The following HMCN1 variants were observed in gnomAD, a reference collection of about 807,000 sequenced individuals.
HMCN1 encodes hemicentin 1, also known as hemicentin-1.
In HMCN1, 321 loss-of-function variants were observed where a neutral mutation model predicts 625.9. That is an observed-to-expected ratio of 0.51 (90% CI 0.47 to 0.56). HMCN1 has a LOEUF of 0.56. Ranked by LOEUF, HMCN1 falls within the 20% of genes least tolerant of loss-of-function variation. The probability of loss-of-function intolerance (pLI) is 0.00; values close to 1 mark genes in which losing one functional copy is unlikely to be tolerated. For missense variants in HMCN1, 6,588 were observed against 6,887.3 expected (o/e 0.96, Z 1.54); for synonymous variants, 2,425 against 2,417.6 (o/e 1.00, Z -0.09).
chr1:185,996,441 A>G (rs1652796136), intron 24 of HMCN1, among the ~76,000 whole-genome samples: 1 of 152,190 alleles, frequency 6.6e-6, no homozygotes, highest in African/African-American at 2.4e-5. Flanking sequence ...AGATGTGGTC[A>G]TGGGTCAGGT....
At chr1:186,170,590 TAGG>T (rs1652165627) in intron 100 of HMCN1, among the ~76,000 whole-genome samples, 1 of 151,850 alleles carries the variant, frequency 6.6e-6, no homozygotes, top group Non-Finnish European at 1.5e-5. Flanking sequence ...TTAAAATGCA[TAGG>T]AGGAGGGAAT....
rs771570397 is a variant in HMCN1 at position 186,137,717 on chromosome 1, T to G, written c.13753+49T>G. The G allele has an allele frequency of 1.9e-6, 3 of 1,613,796 alleles. No individual in the cohort carries two copies. In the East Asian group the frequency reaches 6.7e-5, roughly 36 times the overall value. ...AGGCATGTGTTTAATAGACCTTCATTTCTGTCTTCTACCTATGGATTGCCC... is the reference window on the plus strand; with the variant it reads ...AGGCATGTGTTTAATAGACCTTCATGTCTGTCTTCTACCTATGGATTGCCC... On this transcript the variant is annotated intron_variant, in intron 88 of 106. Coordinates refer to ENST00000271588, the MANE Select transcript of HMCN1 (RefSeq NM_031935.3).
intron 11 of HMCN1, among the ~76,000 whole-genome samples, chr1:185,942,130 G>A (rs6688369): frequency 0.043 from 6,433 of 149,592 alleles, 443 homozygotes; most frequent in African/African-American, 0.15. Flanking sequence ...GGCGGAGGTT[G>A]TAGTGAGCCG....
rs58407499 is a variant in HMCN1 at position 186,083,500 on chromosome 1, T to TAAAAAAAAA, written c.8884+549_8884+557dup. ...ACACTCCATAAATACCACTTTTTGC[T>TAAAAAAAAA]AAAAAAAAAAAAAAAAAAGTAGTTG... On this transcript the variant is annotated intron_variant, in intron 57 of 106. Transcript: ENST00000271588. Among the ~76,000 whole-genome samples, 111 of 123,634 alleles carry TAAAAAAAAA rather than the reference T, an allele frequency of 9.0e-4. 2 individuals are homozygous for TAAAAAAAAA. The highest frequency in any genetic ancestry group is 3.3e-3 in the African/African-American group (105 of 31,868). 81.1% of individuals were successfully genotyped at this position (123,634 alleles called of 152,430 possible).
chr1:185,811,598 GA>G, intron 1 of HMCN1, among the ~76,000 whole-genome samples: 1 of 151,312 alleles, frequency 6.6e-6, no homozygotes, highest in Admixed American at 6.6e-5. Context: ...CCTGTCTCTT[GA>G]AAAATAAAAA....
chr1:185,961,987 G>T (rs1466546520), intron 11 of HMCN1, among the ~76,000 whole-genome samples: 1 of 152,138 alleles, frequency 6.6e-6, no homozygotes, highest in African/African-American at 2.4e-5. Flanking sequence ...GCAATGATAT[G>T]CAAGGGATGT....
In HMCN1 at chr1:186,144,532, G is replaced by A; in HGVS notation, c.14096-1G>A. ...GCATGTACCTTTTTCCCTTATTCCA[G>A]TTCATGGCAAGTGGGCGACTTGGGC... is the stretch of plus-strand genomic sequence containing the variant. On this transcript the variant is annotated splice_acceptor_variant, in intron 90 of 106. Transcript: ENST00000271588. LOFTEE classifies it high-confidence loss of function. 1 of 1,614,062 alleles carries A rather than the reference G, an allele frequency of 6.2e-7. No homozygotes were observed. The highest frequency in any genetic ancestry group is 1.1e-5 in the South Asian group (1 of 91,076).
chr1:186,189,849 T>C lies in HMCN1; in HGVS notation c.16879T>C (p.Tyr5627His). 1 of 1,613,844 alleles carries C rather than the reference T, an allele frequency of 6.2e-7. No individual in the cohort carries two copies. Among genetic ancestry groups the C allele is most frequent in the Non-Finnish European group, 8.5e-7 (1 of 1,179,840 alleles). ...TIEYQTTFIV[Y>H]IAVSAYPY The stretch of plus-strand genomic sequence containing the variant: ...TGAATATCAGACCACATTCATAGTT[T>C]ATATAGCTGTGTCCGCCTATCCATA... The change falls in exon 107 of 107, where the codon TAT (tyrosine) becomes CAT (histidine). Residue 5627 changes from tyrosine to histidine, a missense_variant. By Grantham distance (83) the Tyr-to-His change is moderately conservative. Coordinates refer to ENST00000271588, the MANE Select transcript of HMCN1 (RefSeq NM_031935.3).
chr1:185,831,123 A>G (rs995773218), intron 1 of HMCN1, among the ~76,000 whole-genome samples: 3 of 152,188 alleles, frequency 2.0e-5, no homozygotes, highest in Admixed American at 6.5e-5. Flanking sequence ...TAGATCTTTC[A>G]TATTCATGTT....
At chr1:186,016,360 A>AATCC in intron 32 of HMCN1, 121 bp downstream of exon 32, 12 of 900,156 alleles carry the variant, frequency 1.3e-5, no homozygotes, top group South Asian at 3.4e-5. Context: ...TCCTCTGTGC[A>AATCC]ACTGTGGATT....
intron 11 of HMCN1, among the ~76,000 whole-genome samples, chr1:185,959,122 T>C (rs567207541): frequency 6.6e-6 from 1 of 152,352 alleles, no homozygotes; most frequent in East Asian, 1.9e-4. Flanking sequence ...CAAATATTGC[T>C]AATTGTGACT....
chr1:186,032,038 C>T (rs1571746976), intron 36 of HMCN1, among the ~76,000 whole-genome samples: 1 of 135,250 alleles, frequency 7.4e-6, no homozygotes, highest in African/African-American at 2.7e-5. Context: ...GTATTTGTTA[C>T]AAAAAAAAAA....
At chr1:186,182,904 G>A (rs1277325645) in intron 105 of HMCN1, among the ~76,000 whole-genome samples, 1 of 152,114 alleles carries the variant, frequency 6.6e-6, no homozygotes, top group East Asian at 1.9e-4. Context: ...TTTTGGGCAA[G>A]ATATAGCAAT....
At chr1:185,830,386 T>C (rs1660784539) in intron 1 of HMCN1, among the ~76,000 whole-genome samples, 1 of 152,198 alleles carries the variant, frequency 6.6e-6, no homozygotes, top group Non-Finnish European at 1.5e-5. Flanking sequence ...TTTTGGGTTT[T>C]ACATCGAAGT....
At chr1:186,158,603 G>A (rs1390435335) in intron 97 of HMCN1, among the ~76,000 whole-genome samples, 2 of 151,942 alleles carry the variant, frequency 1.3e-5, no homozygotes, top group Non-Finnish European at 1.5e-5. Flanking sequence ...ATCTTGAATT[G>A]ATTTTTGTAT....
intron 10 of HMCN1, 22 bp from the exon 11 acceptor site, chr1:185,933,527 T>A (rs776815290): frequency 6.2e-7 from 1 of 1,613,654 alleles, no homozygotes; most frequent in South Asian, 1.1e-5. Context: ...TCTCTTGATT[T>A]GAATTTTTTG....
At chr1:186,147,803 A>T (rs1357265482) in intron 93 of HMCN1, among the ~76,000 whole-genome samples, 1 of 152,244 alleles carries the variant, frequency 6.6e-6, no homozygotes, top group Admixed American at 6.5e-5. Flanking sequence ...AATGCTAATG[A>T]TTATCTGAGC....
At chr1:186,144,021 A>C in intron 89 of HMCN1, 152 bp from the exon 90 acceptor site, 1 of 660,076 alleles carries the variant, frequency 1.5e-6, no homozygotes, top group Non-Finnish European at 2.4e-6. Flanking sequence ...AGAAGGAGAA[A>C]GATCATCATT....
In HMCN1 at chr1:186,094,391, G is replaced by T. The variant is rs1176437077; in HGVS notation, c.10294+18G>T. The T allele has an allele frequency of 6.4e-7, 1 of 1,567,570 alleles. No individual in the cohort carries two copies. Among genetic ancestry groups the T allele is most frequent in the Non-Finnish European group, 8.8e-7 (1 of 1,138,106 alleles). On this transcript the variant is annotated intron_variant, in intron 67 of 106. Coordinates refer to ENST00000271588, the MANE Select transcript of HMCN1 (RefSeq NM_031935.3). ...AGTGTTTGGTATGTGTCACAGAAAT[G>T]ACCCTATTACTTTGCTATGTCAAGT... is the stretch of plus-strand genomic sequence containing the variant.
Sources: gnomAD v4.1 joint callset for allele counts (sites outside exome capture counted in the v4.1 genomes callset) on GRCh38, gnomAD v4.1.1 for gene constraint, MANE v1.5 for transcripts, NCBI Gene and HGNC (gene_info 2026-07-23, HGNC 2026-07-21) for gene names.